PPEF1: variants seen among roughly 807,000 people sequenced by gnomAD.
PPEF1 encodes serine/threonine-protein phosphatase with EF-hands 1.
PPEF1 carries 12 observed loss-of-function variants against 53.3 expected under a neutral mutation model. The ratio of observed to expected loss-of-function variants is 0.23; its 90% confidence interval spans 0.14 to 0.36. The LOEUF (loss-of-function observed/expected upper bound fraction) is 0.36, where lower values mean the gene tolerates loss of function less well. Among genes scored for constraint, PPEF1 ranks in the 10% least tolerant of loss-of-function variants. PPEF1 has a pLI of 1.00. For synonymous variants in PPEF1, 165 were observed against 176.7 expected, an observed-to-expected ratio of 0.93 and a Z score of 0.52; for missense variants, 334 against 490.4, an observed-to-expected ratio of 0.68 and a Z score of 3.01.
chrX:18,732,652 T>C (rs775685291), intron 2 of PPEF1, among the ~76,000 whole-genome samples: 1 of 111,828 alleles, frequency 8.9e-6, no homozygotes, highest in Non-Finnish European at 1.9e-5. Context: ...GTATGGAAAG[T>C]CTTCCTTCTC....
At chrX:18,786,858 T>C (rs1484570406) in intron 9 of PPEF1, among the ~76,000 whole-genome samples, 2 of 109,844 alleles carry the variant, frequency 1.8e-5, no homozygotes, top group East Asian at 5.7e-4. Flanking sequence ...TCCAGTTCTC[T>C]CTTCTTTTTT....
At position 18,826,417 on chromosome X, in the gene PPEF1, C is replaced by CT. The variant is rs58697941; in HGVS notation, c.1750+610dup. 2.9e-3 allele frequency among the ~76,000 whole-genome samples: 72 copies of CT among 24,631 alleles called. 4 individuals are homozygous for CT. Among genetic ancestry groups the CT allele is most frequent in the Non-Finnish European group, 3.8e-3 (59 of 15,334 alleles). The allele number at this position is 24,631 out of a possible 115,157, so 21.4% of individuals were successfully genotyped here. ...AAGGGCTATGAAAAGTCATTTTCTG[C>CT]TTTTTTTTTTTTTTTTTTTTTTTTT... On this transcript the variant is annotated intron_variant, in intron 15 of 15. Transcript: ENST00000470157.
chrX:18,684,266 A>G (rs1182527744), intron 1 of PPEF1, among the ~76,000 whole-genome samples: 1 of 112,171 alleles, frequency 8.9e-6, no homozygotes, highest in African/African-American at 3.2e-5. Context: ...CATTTGTTCC[A>G]GTATGTTAAT....
chrX:18,808,054 C>T (rs780101095), intron 12 of PPEF1, among the ~76,000 whole-genome samples: 37 of 104,602 alleles, frequency 3.5e-4, no homozygotes, highest in African/African-American at 1.3e-3. Context: ...GCAACCTCTG[C>T]CTCTTGGGTT....
chrX:18,767,359 A>G, intron 6 of PPEF1, among the ~76,000 whole-genome samples: 1 of 111,924 alleles, frequency 8.9e-6, no homozygotes, highest in Non-Finnish European at 1.9e-5. Flanking sequence ...AGCCTGGCCA[A>G]TATGGTGAAA....
rs536021892 is a variant in PPEF1 at position 18,711,754 on chromosome X, CT to C, written c.46+3945del. On this transcript the variant is annotated intron_variant, in intron 1 of 15. Transcript: ENST00000470157. ...AGTACCAGTGTCTGGATTACTATAG[CT>C]TTTTTTTTTTTTTTTTGAGACGGAG... is the stretch of plus-strand genomic sequence containing the variant. 2.9e-3 allele frequency among the ~76,000 whole-genome samples: 255 copies of C among 89,165 alleles called. 1 individual carries two copies. Among genetic ancestry groups the C allele is most frequent in the African/African-American group, 7.9e-3 (189 of 23,790 alleles). The allele number at this position is 89,165 out of a possible 115,157, so 77.4% of individuals were successfully genotyped here.
At chrX:18,685,140 C>T (rs1272614671) in intron 2 of PPEF1, among the ~76,000 whole-genome samples, 1 of 112,277 alleles carries the variant, frequency 8.9e-6, no homozygotes, top group Non-Finnish European at 1.9e-5. Context: ...CAACTGGGCA[C>T]GCAATAAGAC....
upstream of PPEF1, among the ~76,000 whole-genome samples, chrX:18,680,204 T>TTGCTGCTGCTGC (rs757808484): frequency 5.5e-5 from 6 of 109,980 alleles, no homozygotes; most frequent in East Asian, 2.8e-4. Flanking sequence ...CTCGGGGCCT[T>TTGCTGCTGCTGC]TGCTGCTGCT....
At chrX:18,725,001 G>A (rs1010261493) in intron 1 of PPEF1, among the ~76,000 whole-genome samples, 72 of 111,102 alleles carry the variant, frequency 6.5e-4, no homozygotes, top group African/African-American at 1.9e-3. Flanking sequence ...CTTGGGAAAT[G>A]TATGCCCAAG....
intron 15 of PPEF1, among the ~76,000 whole-genome samples, chrX:18,826,133 T>C (rs1214458127): frequency 9.0e-6 from 1 of 111,457 alleles, no homozygotes; most frequent in Non-Finnish European, 1.9e-5. Context: ...ATTTTATCTA[T>C]TTTGTTCTTC....
chrX:18,746,816 A>G, intron 3 of PPEF1, among the ~76,000 whole-genome samples: 1 of 112,447 alleles, frequency 8.9e-6, no homozygotes, highest in East Asian at 2.8e-4. Flanking sequence ...GTTTGAGCTC[A>G]AAGCCAGATT....
At chrX:18,779,936 T>C (rs1017244611) in intron 7 of PPEF1, among the ~76,000 whole-genome samples, 2 of 111,750 alleles carry the variant, frequency 1.8e-5, no homozygotes, top group Non-Finnish European at 3.8e-5. Context: ...TGGGGCAGTT[T>C]TGGCGCCTGG....
At chrX:18,685,784 A>C (rs1464741744) in intron 2 of PPEF1, among the ~76,000 whole-genome samples, 2 of 110,667 alleles carry the variant, frequency 1.8e-5, no homozygotes, top group South Asian at 3.8e-4. Context: ...TTTCAATATT[A>C]GTCATACATT....
At chrX:18,686,583 C>T (rs959045413) in intron 3 of PPEF1, among the ~76,000 whole-genome samples, 1 of 110,833 alleles carries the variant, frequency 9.0e-6, no homozygotes, top group Non-Finnish European at 1.9e-5. Flanking sequence ...AACCAGGGCC[C>T]GCGCTTAGAG....
intron 3 of PPEF1, among the ~76,000 whole-genome samples, chrX:18,745,677 G>T (rs2045316619): frequency 9.0e-6 from 1 of 111,572 alleles, no homozygotes; most frequent in Non-Finnish European, 1.9e-5. Flanking sequence ...GGGCATCCTT[G>T]TTTTGTTGAT....
chrX:18,808,214 C>T (rs1338451586), intron 12 of PPEF1, among the ~76,000 whole-genome samples: 1 of 109,341 alleles, frequency 9.1e-6, no homozygotes, highest in Non-Finnish European at 1.9e-5. Context: ...ATCCGCCCGC[C>T]TCAGCTTCCC....
chrX:18,743,402 G>A (rs779344553), intron 3 of PPEF1, among the ~76,000 whole-genome samples: 59 of 106,041 alleles, frequency 5.6e-4, no homozygotes, highest in Non-Finnish European at 1.0e-3. Flanking sequence ...TTCCCTTTGA[G>A]CAGTCAAGTT....
chrX:18,783,952 A>T lies in PPEF1; in HGVS notation c.816A>T (p.Pro272=), dbSNP rs766157259. ...TGGAAGAATTCTATGCCTGGCTCCCAATCGGTACAATCGTTGACAATGAAA... is the reference window on the plus strand; with the variant it reads ...TGGAAGAATTCTATGCCTGGCTCCCTATCGGTACAATCGTTGACAATGAAA... ...QILEEFYAWL[P]IGTIVDNEIL... The change falls in exon 9 of 16, where the codon CCA becomes CCT. Residue 272 remains proline (P), a synonymous_variant. Transcript: ENST00000470157. 3.6e-5 allele frequency: 44 copies of T among 1,206,094 alleles called. No homozygotes were observed. Among genetic ancestry groups the T allele is most frequent in the Non-Finnish European group, 4.9e-5 (44 of 892,348 alleles).
intron 12 of PPEF1, among the ~76,000 whole-genome samples, chrX:18,813,415 A>G (rs1343099919): frequency 9.2e-6 from 1 of 108,341 alleles, no homozygotes; most frequent in Non-Finnish European, 1.9e-5. Context: ...ATTTTTGGAT[A>G]TTGATCTTGT....
Sources: allele counts gnomAD v4.1 joint callset (sites outside exome capture counted in the v4.1 genomes callset), GRCh38; gene constraint gnomAD v4.1.1; transcripts MANE v1.5; gene names NCBI Gene and HGNC (gene_info 2026-07-23, HGNC 2026-07-21).